The following PLXNA4 variants were observed in gnomAD, a reference collection of about 807,000 sequenced individuals.
PLXNA4 encodes the protein plexin-A4.
PLXNA4 carries 44 observed loss-of-function variants against 191.8 expected under a neutral mutation model. The ratio of observed to expected loss-of-function variants is 0.23; its 90% CI spans 0.18 to 0.29. The LOEUF (loss-of-function observed/expected upper bound fraction) is 0.29. Among genes scored for constraint, PLXNA4 ranks in the 10% least tolerant of loss-of-function variants. The pLI is 1.00. For synonymous variants in PLXNA4, 1,082 were observed against 1,009.5 expected, an observed-to-expected ratio of 1.07 and a Z score of -1.36; for missense variants, 1,800 against 2,488.8, an observed-to-expected ratio of 0.72 and a Z score of 5.89.
Position 132,202,738 on chromosome 7 carries a change from A to C in PLXNA4, c.2494T>G (p.Cys832Gly). The C allele has an allele frequency of 6.2e-7, 1 of 1,611,024 alleles. No homozygotes were observed. Among genetic ancestry groups the C allele is most frequent in the Non-Finnish European group, 8.5e-7 (1 of 1,178,596 alleles). Reference sequence around the variant, plus strand: ...GCAGGGCAGTGCTGGCGCAGGGTGCACTGGCCTGGGCCCTGGCACCAGCCA... The same window carrying C: ...GCAGGGCAGTGCTGGCGCAGGGTGCCCTGGCCTGGGCCCTGGCACCAGCCA... ...ACGWCQGPGQCTLRQHCPAQE... is the reference protein window; with the variant it reads ...ACGWCQGPGQGTLRQHCPAQE... The change falls in exon 12 of 32, where the codon TGC (cysteine) becomes GGC (glycine). Residue 832 changes from cysteine (C) to glycine (G), a missense_variant. Coordinates refer to ENST00000321063, the MANE Select transcript of PLXNA4 (RefSeq NM_020911.2).
At chr7:132,422,561 C>T (rs187459355) in intron 3 of PLXNA4, among the ~76,000 whole-genome samples, 9 of 152,232 alleles carry the variant, frequency 5.9e-5, no homozygotes, top group Admixed American at 5.9e-4. Flanking sequence ...AGTAATTCAT[C>T]CAGAGACAGA....
intron 1 of PLXNA4, among the ~76,000 whole-genome samples, chr7:132,532,049 C>G (rs1799637752): frequency 6.6e-6 from 1 of 152,184 alleles, no homozygotes; most frequent in Non-Finnish European, 1.5e-5. Context: ...TTTTTCACTA[C>G]AGCATAAAGC....
At chr7:132,639,469 T>C (rs1479593954) in intron 2 of PLXNA4, among the ~76,000 whole-genome samples, 3 of 152,198 alleles carry the variant, frequency 2.0e-5, no homozygotes, top group Non-Finnish European at 2.9e-5. Context: ...TCAGGCAAAG[T>C]AAAATATAAT....
At chr7:132,437,209 G>A (rs1459193762) in intron 3 of PLXNA4, among the ~76,000 whole-genome samples, 1 of 152,176 alleles carries the variant, frequency 6.6e-6, no homozygotes, top group African/African-American at 2.4e-5. Context: ...CTAATACAGG[G>A]CATCCACTTT....
At chr7:132,595,985 C>T (rs1207372135) in intron 2 of PLXNA4, among the ~76,000 whole-genome samples, 1 of 152,142 alleles carries the variant, frequency 6.6e-6, no homozygotes, top group Non-Finnish European at 1.5e-5. Context: ...AACATCAAGT[C>T]CCTACTCAAT....
At chr7:132,363,237 G>A (rs192680536) in intron 3 of PLXNA4, among the ~76,000 whole-genome samples, 13 of 152,184 alleles carry the variant, frequency 8.5e-5, no homozygotes, top group Non-Finnish European at 1.5e-4. Flanking sequence ...CACCCATCTC[G>A]GCCTCCCAAA....
intron 3 of PLXNA4, among the ~76,000 whole-genome samples, chr7:132,443,640 A>T (rs1795783719): frequency 6.6e-6 from 1 of 152,140 alleles, no homozygotes; most frequent in Non-Finnish European, 1.5e-5. Context: ...ATTGCCCTGG[A>T]CTTGGTCTTC....
chr7:132,612,600 G>T (rs1585404923), intron 2 of PLXNA4, among the ~76,000 whole-genome samples: 1 of 146,778 alleles, frequency 6.8e-6, no homozygotes, highest in Non-Finnish European at 1.5e-5. Context: ...GGAGGCAGAG[G>T]TTGCAGTGAG....
intron 3 of PLXNA4, among the ~76,000 whole-genome samples, chr7:132,399,079 G>C (rs1793875976): frequency 6.6e-6 from 1 of 152,150 alleles, no homozygotes. Flanking sequence ...CCATCTGATT[G>C]GTGCTGCATT....
intron 2 of PLXNA4, among the ~76,000 whole-genome samples, chr7:132,604,934 C>G (rs1802895442): frequency 6.6e-6 from 1 of 152,176 alleles, no homozygotes; most frequent in Admixed American, 6.5e-5. Context: ...TTGTCCCAGC[C>G]CTTGATGGCT....
intron 2 of PLXNA4, among the ~76,000 whole-genome samples, chr7:132,640,601 T>C (rs1427535632): frequency 1.3e-5 from 2 of 152,222 alleles, no homozygotes; most frequent in African/African-American, 4.8e-5. Flanking sequence ...AAACCACATA[T>C]GCTGGCACCT....
chr7:132,292,027 T>A (rs1353838832), intron 4 of PLXNA4, among the ~76,000 whole-genome samples: 2 of 152,146 alleles, frequency 1.3e-5, no homozygotes, highest in Non-Finnish European at 2.9e-5. Flanking sequence ...ACTCCTGACC[T>A]CAGGTGACCT....
chr7:132,456,111 CTTTT>C (rs548680891), intron 3 of PLXNA4, among the ~76,000 whole-genome samples: 6 of 129,062 alleles, frequency 4.6e-5, no homozygotes, highest in Admixed American at 7.7e-5. Context: ...CTCCTCTGTT[CTTTT>C]TTTTTTTTTT....
chr7:132,433,535 T>C (rs1795355608), intron 3 of PLXNA4, among the ~76,000 whole-genome samples: 2 of 152,166 alleles, frequency 1.3e-5, no homozygotes, highest in Admixed American at 6.5e-5. Flanking sequence ...TCATTTCCCT[T>C]TGGAGACAGT....
At chr7:132,250,257 C>T (rs770638962) in intron 4 of PLXNA4, among the ~76,000 whole-genome samples, 4 of 152,190 alleles carry the variant, frequency 2.6e-5, no homozygotes, top group Non-Finnish European at 4.4e-5. Flanking sequence ...CGATAAAATG[C>T]CCCTGTGATG....
At position 132,168,826 on chromosome 7, in the gene PLXNA4, G is replaced by C. The variant is rs139389692; in HGVS notation, c.4018-254C>G. On this transcript the variant is annotated intron_variant, in intron 21 of 31. Coordinates refer to ENST00000321063, the MANE Select transcript of PLXNA4 (RefSeq NM_020911.2). ...GGTTAGTAAATGGCGGGGCTAGGATGGCACTCACTTCTGCCGGACTCCAGA... is the reference window on the plus strand; with the variant it reads ...GGTTAGTAAATGGCGGGGCTAGGATCGCACTCACTTCTGCCGGACTCCAGA... Among the ~76,000 whole-genome samples, 392 of 152,338 alleles carry C rather than the reference G, an allele frequency of 2.6e-3. 2 individuals are homozygous for C. The highest frequency in any genetic ancestry group is 8.9e-3 in the African/African-American group (371 of 41,590).
chr7:132,337,972 G>C (rs1445986966), intron 3 of PLXNA4, among the ~76,000 whole-genome samples: 2 of 152,188 alleles, frequency 1.3e-5, no homozygotes, highest in Non-Finnish European at 2.9e-5. Flanking sequence ...GGCAAATTTA[G>C]GTTCATCTTC....
intron 3 of PLXNA4, among the ~76,000 whole-genome samples, chr7:132,376,122 T>C (rs1260009875): frequency 6.6e-6 from 1 of 152,172 alleles, no homozygotes; most frequent in Non-Finnish European, 1.5e-5. Context: ...CAAATTTTGA[T>C]AAGGTTCTTG....
chr7:132,251,460 G>A (rs532950767), intron 4 of PLXNA4, among the ~76,000 whole-genome samples: 2 of 152,074 alleles, frequency 1.3e-5, no homozygotes, highest in African/African-American at 4.8e-5. Flanking sequence ...CCCAGGCAGC[G>A]GAGCCAAGCT....
Sources: allele counts gnomAD v4.1 joint callset (sites outside exome capture counted in the v4.1 genomes callset), GRCh38; gene constraint gnomAD v4.1.1; transcripts MANE v1.5; gene names NCBI Gene and HGNC (gene_info 2026-07-23, HGNC 2026-07-21).